CUEDC1: variants seen among roughly 807,000 people sequenced by gnomAD.
The protein encoded by CUEDC1 is CUE domain-containing protein 1.
CUEDC1 carries 30 observed loss-of-function variants against 43.7 expected under a neutral mutation model. The ratio of observed to expected loss-of-function variants is 0.69; its 90% CI spans 0.51 to 0.93. The LOEUF is 0.93. Ranked by LOEUF, CUEDC1 falls within the 40% of genes least tolerant of loss-of-function variation. The probability of loss-of-function intolerance (pLI) is 0.00; values close to 1 mark genes in which losing one functional copy is unlikely to be tolerated. For missense variants in CUEDC1, 486 were observed against 549.0 expected, an observed-to-expected ratio of 0.89 and a Z score of 1.15; for synonymous variants, 223 against 223.6, an observed-to-expected ratio of 1.00 and a Z score of 0.02.
intron 1 of CUEDC1, among the ~76,000 whole-genome samples, chr17:57,899,816 C>G (rs768407636): frequency 2.6e-5 from 4 of 152,172 alleles, no homozygotes; most frequent in Non-Finnish European, 4.4e-5. Flanking sequence ...TTTAAAATTA[C>G]AGTCACTCTT....
intron 1 of CUEDC1, among the ~76,000 whole-genome samples, chr17:57,888,504 T>A (rs12936245): frequency 6.6e-6 from 1 of 152,174 alleles, no homozygotes; most frequent in Non-Finnish European, 1.5e-5. Context: ...AAATGATCAG[T>A]CCAAGAGTTT....
intron 5 of CUEDC1, 125 bp downstream of exon 5, chr17:57,872,538 C>G: frequency 9.3e-7 from 1 of 1,080,210 alleles, no homozygotes; most frequent in East Asian, 2.6e-5. Flanking sequence ...GGAGTCATGC[C>G]TCAATAGGAC....
intron 1 of CUEDC1, chr17:57,912,228 G>A (rs1482528513): frequency 6.6e-6 from 1 of 152,252 alleles, no homozygotes; most frequent in Non-Finnish European, 1.5e-5. Flanking sequence ...ACACCCTCGT[G>A]TAACCATGGT....
intron 1 of CUEDC1, among the ~76,000 whole-genome samples, chr17:57,912,820 A>T (rs1598004941): frequency 6.6e-6 from 1 of 152,126 alleles, no homozygotes; most frequent in African/African-American, 2.4e-5. Context: ...GGTGCATCAG[A>T]ATCTCCGGGG....
intron 1 of CUEDC1, among the ~76,000 whole-genome samples, chr17:57,896,210 TA>T (rs1229005145): frequency 6.6e-6 from 1 of 152,196 alleles, no homozygotes; most frequent in Non-Finnish European, 1.5e-5. Context: ...CTATGAAATT[TA>T]CCTACAGATG....
intron 1 of CUEDC1, among the ~76,000 whole-genome samples, chr17:57,907,172 G>T (rs2074537974): frequency 6.6e-6 from 1 of 152,148 alleles, no homozygotes; most frequent in African/African-American, 2.4e-5. Flanking sequence ...GGCCTGCAGA[G>T]TCACGCATGC....
chr17:57,940,943 G>A (rs1285010909), intron 1 of CUEDC1, among the ~76,000 whole-genome samples: 1 of 152,212 alleles, frequency 6.6e-6, no homozygotes, highest in Non-Finnish European at 1.5e-5. Flanking sequence ...AAGCTGCCAG[G>A]AGGCAAAGAC....
chr17:57,884,878 T>G (rs1321623694), intron 2 of CUEDC1, among the ~76,000 whole-genome samples: 2 of 152,194 alleles, frequency 1.3e-5, no homozygotes, highest in Admixed American at 1.3e-4. Flanking sequence ...CTACGCCTGA[T>G]GTGGAGTTCA....
At chr17:57,902,469 G>T (rs1238895187) in intron 1 of CUEDC1, among the ~76,000 whole-genome samples, 1 of 152,226 alleles carries the variant, frequency 6.6e-6, no homozygotes, top group Non-Finnish European at 1.5e-5. Context: ...CCCGGACACG[G>T]GTTGAATTGA....
rs562641466 is a variant in CUEDC1, at chr17:57,864,201, G to C, written c.*4-916C>G. On this transcript the variant is annotated intron_variant, in intron 10 of 10. Coordinates refer to ENST00000577830, the MANE Select transcript of CUEDC1 (RefSeq NM_001271875.2). ...AGGAATAGAAAAGAGAATGAAAGGG[G>C]GCAGTCAGGAGGAGAGACTGAGTTG... Among the ~76,000 whole-genome samples, 9 of 151,856 alleles carry C rather than the reference G, an allele frequency of 5.9e-5. No individual in the cohort carries two copies. In the South Asian group the frequency reaches 1.9e-3, roughly 32 times the overall value.
chr17:57,866,578 C>T lies in CUEDC1; in HGVS notation c.1094-34G>A, dbSNP rs201611613. On this transcript the variant is annotated intron_variant, in intron 9 of 10. Transcript: ENST00000577830. ...GAGAGGGAAGCTGCCTCATCCTCTA[C>T]CCTGCAGGGCCTCGCTCAGGCACGG... 7 of 1,610,144 alleles carry T rather than the reference C, an allele frequency of 4.3e-6. No individual in the cohort carries two copies. The African/African-American group carries it at 9.3e-5, about 21-fold the overall frequency.
At chr17:57,883,231 A>G (rs372102432) in intron 2 of CUEDC1, among the ~76,000 whole-genome samples, 23 of 152,280 alleles carry the variant, frequency 1.5e-4, no homozygotes, top group African/African-American at 5.3e-4. Flanking sequence ...AGTGCTTGCT[A>G]TGTGCGTGGA....
At chr17:57,877,108 C>T (rs1015987230) in intron 3 of CUEDC1, among the ~76,000 whole-genome samples, 2 of 152,232 alleles carry the variant, frequency 1.3e-5, no homozygotes, top group African/African-American at 4.8e-5. Flanking sequence ...AGGGCATCCA[C>T]TCCCAGCCCA....
chr17:57,935,408 C>CACAA (rs1555569507), intron 1 of CUEDC1, among the ~76,000 whole-genome samples: 1 of 149,018 alleles, frequency 6.7e-6, no homozygotes, highest in Non-Finnish European at 1.5e-5. Flanking sequence ...CACACACAAA[C>CACAA]ACACACACAC....
chr17:57,884,768 A>G (rs2074264460), intron 2 of CUEDC1, among the ~76,000 whole-genome samples: 1 of 152,132 alleles, frequency 6.6e-6, no homozygotes, highest in Non-Finnish European at 1.5e-5. Context: ...TCGAGCACTT[A>G]CCACTCTGGC....
intron 1 of CUEDC1, among the ~76,000 whole-genome samples, chr17:57,895,805 G>T (rs1292562847): frequency 2.0e-5 from 3 of 152,242 alleles, no homozygotes; most frequent in Non-Finnish European, 4.4e-5. Context: ...GAGGAAGGGG[G>T]CCACTGGTAA....
intron 1 of CUEDC1, among the ~76,000 whole-genome samples, chr17:57,952,989 G>A (rs751137030): frequency 1.3e-5 from 2 of 152,128 alleles, no homozygotes; most frequent in African/African-American, 4.8e-5. Context: ...CTGCACTGGG[G>A]ATAGTGACAG....
intron 7 of CUEDC1, 182 bp from the exon 8 acceptor site, chr17:57,868,425 C>A: frequency 3.3e-6 from 2 of 615,284 alleles, no homozygotes; most frequent in South Asian, 3.7e-5. Context: ...GGACGCCACC[C>A]CAGGAGCAAG....
intron 1 of CUEDC1, among the ~76,000 whole-genome samples, chr17:57,921,593 T>G (rs1216408400): frequency 6.6e-6 from 1 of 152,230 alleles, no homozygotes; most frequent in Non-Finnish European, 1.5e-5. Flanking sequence ...TGCTTTGTGC[T>G]TCTCTCCCGG....
Sources: gnomAD v4.1 joint callset for allele counts (sites outside exome capture counted in the v4.1 genomes callset) on GRCh38, gnomAD v4.1.1 for gene constraint, MANE v1.5 for transcripts, NCBI Gene and HGNC (gene_info 2026-07-23, HGNC 2026-07-21) for gene names.